The following SMPD4 variants were observed in gnomAD, a reference collection of about 807,000 sequenced individuals.
SMPD4 encodes the protein neutral sphingomyelinase 3.
SMPD4 carries 58 observed loss-of-function variants against 97.8 expected under a neutral mutation model. The observed-to-expected ratio is 0.59, with a 90% CI of 0.48 to 0.74. The LOEUF is 0.74. Ranked by LOEUF, SMPD4 falls within the 30% of genes least tolerant of loss-of-function variation. The probability of loss-of-function intolerance (pLI) is 0.00; values close to 1 mark genes in which losing one functional copy is unlikely to be tolerated. For missense variants in SMPD4, 853 were observed against 1,080.5 expected (o/e 0.79, Z 2.95); for synonymous variants, 388 against 450.0 (o/e 0.86, Z 1.74).
chr2:130,158,022 C>T (rs1687000429), intron 11 of SMPD4: 2 of 348,018 alleles, frequency 5.7e-6, no homozygotes, highest in Admixed American at 9.6e-5. Context: ...CACCTATAGT[C>T]CTAATGACTC....
Position 130,173,032 on chromosome 2 carries a change from G to A in SMPD4, c.346-137C>T, listed in dbSNP as rs1192759461. ...CACACAGAACCCACCTGTGGGGACA[G>A]TGCCCTGCCTCTGAGCAGTGCCTGA... On this transcript the variant is annotated intron_variant, in intron 5 of 19. Transcript: ENST00000680298. The A allele has an allele frequency of 2.4e-6, 3 of 1,275,808 alleles. No homozygotes were observed. The African/African-American group carries it at 4.5e-5, about 19-fold the overall frequency. The allele number at this position is 1,275,808 out of a possible 1,614,324, so 79.0% of individuals were successfully genotyped here.
At chr2:130,166,308 CAAAAAAAAAA>C (rs56226182) in intron 9 of SMPD4, among the ~76,000 whole-genome samples, 27 of 60,924 alleles carry the variant, frequency 4.4e-4, no homozygotes, top group African/African-American at 1.5e-3. Context: ...GACTCCATCT[CAAAAAAAAAA>C]AAAAAAAAAA....
chr2:130,164,498 T>A, intron 9 of SMPD4, 53 bp from the exon 10 acceptor site: 2 of 1,455,498 alleles, frequency 1.4e-6, no homozygotes, highest in Non-Finnish European at 1.9e-6. Flanking sequence ...TGTCAGACCA[T>A]CCAGTGGGGA....
At chr2:130,154,651 G>C (rs1461528941) in intron 15 of SMPD4, 169 bp from the exon 16 acceptor site, 2 of 851,298 alleles carry the variant, frequency 2.3e-6, no homozygotes, top group Admixed American at 2.0e-5. Context: ...GCTGACATGG[G>C]GAGGGCGGAT....
chr2:130,180,787 G>A (rs1283696437), intron 1 of SMPD4, among the ~76,000 whole-genome samples: 2 of 152,122 alleles, frequency 1.3e-5, no homozygotes, highest in African/African-American at 2.4e-5. Flanking sequence ...GAGGCCCAGA[G>A]GAATTTCTAG....
chr2:130,171,601 CCTT>C (rs1688472707), intron 8 of SMPD4, among the ~76,000 whole-genome samples: 2 of 152,320 alleles, frequency 1.3e-5, no homozygotes, highest in Non-Finnish European at 1.5e-5. Context: ...AGCGTCTCCT[CCTT>C]GCCACTCCCT....
chr2:130,157,132 C>G (rs1169101023), intron 12 of SMPD4, 119 bp downstream of exon 12: 12 of 1,125,638 alleles, frequency 1.1e-5, no homozygotes, highest in Non-Finnish European at 1.5e-5. Context: ...GCTCTGTGAA[C>G]AGAAAGGGAC....
At chr2:130,161,362 C>A in intron 10 of SMPD4, 90 bp from the exon 11 acceptor site, 1 of 984,318 alleles carries the variant, frequency 1.0e-6, no homozygotes, top group Non-Finnish European at 1.6e-6. Flanking sequence ...GGACCAGACA[C>A]GGGAGGGGGA....
chr2:130,169,504 C>G (rs567459777), intron 8 of SMPD4, among the ~76,000 whole-genome samples: 17 of 151,802 alleles, frequency 1.1e-4, no homozygotes, highest in Non-Finnish European at 1.9e-4. Flanking sequence ...GAGGTGGAAA[C>G]CAACACATGC....
At chr2:130,165,450 C>A (rs1259764928) in intron 9 of SMPD4, among the ~76,000 whole-genome samples, 1 of 151,900 alleles carries the variant, frequency 6.6e-6, no homozygotes, top group Non-Finnish European at 1.5e-5. Context: ...AAAAAAAACC[C>A]AGCAACTCAA....
At chr2:130,153,199 C>G (rs535668738) in intron 18 of SMPD4, 28 bp from the exon 19 acceptor site, 1 of 1,613,538 alleles carries the variant, frequency 6.2e-7, no homozygotes, top group African/African-American at 1.3e-5. Flanking sequence ...GGGGATGGGT[C>G]AGAAAACACA....
chr2:130,179,323 G>GT (rs1479244865), intron 1 of SMPD4, among the ~76,000 whole-genome samples: 1 of 151,734 alleles, frequency 6.6e-6, no homozygotes, highest in Non-Finnish European at 1.5e-5. Flanking sequence ...GGGTTTCACT[G>GT]TATTAGCCAG....
chr2:130,179,646 A>C (rs1257086836), intron 1 of SMPD4, among the ~76,000 whole-genome samples: 1 of 151,730 alleles, frequency 6.6e-6, no homozygotes, highest in Non-Finnish European at 1.5e-5. Context: ...TCAGCCTCCC[A>C]AAGTGCCGAC....
intron 3 of SMPD4, among the ~76,000 whole-genome samples, chr2:130,173,967 A>T (rs1206598275): frequency 4.2e-5 from 5 of 119,502 alleles, no homozygotes; most frequent in Non-Finnish European, 5.1e-5. Flanking sequence ...AAAAATAAAT[A>T]AATTTAAAAA....
At position 130,172,668 on chromosome 2, in the gene SMPD4, T is replaced by A; in HGVS notation, c.464A>T (p.Glu155Val). Residue 155 changes from glutamate (E) to valine (V), a missense_variant, in exon 7 of 20, where the codon GAG becomes GTG. By Grantham distance (121) the Glu-to-Val change is moderately radical (BLOSUM62 -2). Coordinates refer to ENST00000680298, the MANE Select transcript of SMPD4 (RefSeq NM_017951.5). ...LGLNLALNPF[E>V]YYIFFFALSL... ...CAAGGCAAAGAAGAATATGTAATAC[T>A]CGAACGGATCTGAGAGCAGCGTCAG... 6.2e-7 allele frequency: 1 copy of A among 1,614,208 alleles called. No individual in the cohort carries two copies. The highest frequency in any genetic ancestry group is 8.5e-7 in the Non-Finnish European group (1 of 1,180,036).
At chr2:130,168,268 A>G (rs1688112835) in intron 8 of SMPD4, among the ~76,000 whole-genome samples, 1 of 152,086 alleles carries the variant, frequency 6.6e-6, no homozygotes, top group Non-Finnish European at 1.5e-5. Flanking sequence ...ACAAAAAAAT[A>G]CAAAAATTAG....
At chr2:130,156,962 C>A (rs1686867096) in intron 12 of SMPD4, 6 of 870,592 alleles carry the variant, frequency 6.9e-6, no homozygotes, top group African/African-American at 3.4e-5. Flanking sequence ...GTGGGCCTGG[C>A]AGTCAGGGCC....
intron 11 of SMPD4, chr2:130,159,510 T>G (rs1687178788): frequency 2.6e-5 from 4 of 151,948 alleles, no homozygotes. Context: ...GGGTGGCACA[T>G]GCCTGTAATC....
chr2:130,172,297 A>G, intron 8 of SMPD4, 52 bp downstream of exon 8: 5 of 1,495,300 alleles, frequency 3.3e-6, no homozygotes, highest in Non-Finnish European at 4.5e-6. Context: ...GATGCAAGTG[A>G]CCAGGCCACT....
Sources: gnomAD v4.1 joint callset for allele counts (sites outside exome capture counted in the v4.1 genomes callset) on GRCh38, gnomAD v4.1.1 for gene constraint, MANE v1.5 for transcripts, NCBI Gene and HGNC (gene_info 2026-07-23, HGNC 2026-07-21) for gene names.